DOP1B: variants seen among roughly 807,000 people sequenced by gnomAD.
The protein encoded by DOP1B is DOP1 leucine zipper like protein B.
Under a neutral mutation model 233.5 loss-of-function variants are expected in DOP1B, and 174 were observed. The ratio of observed to expected loss-of-function variants is 0.75; its 90% CI spans 0.66 to 0.85. The LOEUF is 0.85. DOP1B is among the 40% of genes least tolerant of loss of function. DOP1B has a pLI of 0.00. For missense variants in DOP1B, 2,652 were observed against 2,846.6 expected (o/e 0.93, Z 1.56); for synonymous variants, 1,190 against 1,185.6 (o/e 1.00, Z -0.08).
At position 36,200,460 on chromosome 21, in the gene DOP1B, C is replaced by T. The variant is rs147103456; in HGVS notation, c.450C>T (p.Gly150=). 5 of 1,612,448 alleles carry T rather than the reference C, an allele frequency of 3.1e-6. No individual in the cohort carries two copies. The highest frequency in any genetic ancestry group is 1.7e-5 in the Admixed American group (1 of 59,800). ...LLPSLQAFIV[G]LLPGLEEGSE... is the part of the protein sequence containing the mutation. ...CCAGTCTGCAGGCCTTCATCGTGGGCCTGCTGCCCGGCCTTGAAGAGGGCT... is the reference window on the plus strand; with the variant it reads ...CCAGTCTGCAGGCCTTCATCGTGGGTCTGCTGCCCGGCCTTGAAGAGGGCT... The change falls in exon 4 of 37, where the codon GGC becomes GGT. Residue 150 remains glycine (G), a synonymous_variant. Transcript: ENST00000691173.
At position 36,208,584 on chromosome 21, in the gene DOP1B, G is replaced by A. The variant is rs552049086; in HGVS notation, c.492-131G>A. On this transcript the variant is annotated intron_variant, in intron 4 of 36. Transcript: ENST00000691173. Reference sequence around the variant, plus strand: ...GTGAGAGATGGCAGCGGCTCCCGGCGATGAGGAAGGTGGGGCTTCCCCAGC... The same window carrying A: ...GTGAGAGATGGCAGCGGCTCCCGGCAATGAGGAAGGTGGGGCTTCCCCAGC... 1.1e-4 allele frequency: 106 copies of A among 926,730 alleles called. No homozygotes were observed. In the African/African-American group the frequency reaches 1.5e-3, roughly 13 times the overall value. The allele number at this position is 926,730 out of a possible 1,614,324, so 57.4% of individuals were successfully genotyped here. A position where few individuals can be genotyped will look rare whatever the true frequency, so the allele number is the denominator to read the frequency against.
intron 5 of DOP1B, among the ~76,000 whole-genome samples, chr21:36,210,080 C>T (rs954248620): frequency 1.3e-5 from 2 of 152,094 alleles, no homozygotes; most frequent in Non-Finnish European, 2.9e-5. Context: ...TTCTCTCCAT[C>T]GTCTCAGCCC....
Position 36,245,652 on chromosome 21 carries a change from G to A in DOP1B, c.3672G>A (p.Leu1224=), listed in dbSNP as rs367995566. 4.0e-5 allele frequency: 64 copies of A among 1,613,472 alleles called. No homozygotes were observed. In the African/African-American group the frequency reaches 7.9e-4, roughly 20 times the overall value. The part of the protein sequence containing the change: ...QRERQEAVEA[L]FKHILLYLQP... ...AAAGGCAGGAGGCCGTCGAGGCCTT[G>A]TTCAAGCACATCCTGCTCTACCTGC... Residue 1224 remains leucine (L), a synonymous_variant, in exon 19 of 37, where the codon TTG becomes TTA. Transcript: ENST00000691173. This position sits in a 1 kb window ranked among gnomAD's most constrained non-coding sequence, Gnocchi z 5.5.
At position 36,211,907 on chromosome 21, in the gene DOP1B, G is replaced by A. The variant is rs1404077119; in HGVS notation, c.781-67G>A. Reference sequence around the variant, plus strand: ...CTTTGCAGACCAGCAAGGAAGGGCTGCGTGTCAAAAAGTCAGCAATCTGCC... The same window carrying A: ...CTTTGCAGACCAGCAAGGAAGGGCTACGTGTCAAAAAGTCAGCAATCTGCC... On this transcript the variant is annotated intron_variant, in intron 6 of 36. Transcript: ENST00000691173. The A allele has an allele frequency of 1.4e-5, 23 of 1,606,358 alleles. No individual in the cohort carries two copies. The East Asian group carries it at 2.7e-4, about 19-fold the overall frequency.
intron 15 of DOP1B, 103 bp downstream of exon 15, chr21:36,233,178 A>G: frequency 2.1e-6 from 3 of 1,421,108 alleles, no homozygotes; most frequent in Non-Finnish European, 2.8e-6. Context: ...CTTCTCTGAG[A>G]GTGATATTCT....
At chr21:36,252,545 TTTC>T (rs1034799144) in intron 22 of DOP1B, among the ~76,000 whole-genome samples, 9 of 151,194 alleles carry the variant, frequency 6.0e-5, no homozygotes, top group Admixed American at 2.0e-4. Context: ...CCAAAGATAA[TTTC>T]TTTTTTTTTT....
chr21:36,247,023 G>A (rs192845721), intron 19 of DOP1B, among the ~76,000 whole-genome samples: 2 of 152,120 alleles, frequency 1.3e-5, no homozygotes, highest in Admixed American at 1.3e-4. Flanking sequence ...GGGATTACAG[G>A]TGCCTACCGC....
chr21:36,206,475 A>C (rs2123483718), intron 4 of DOP1B, among the ~76,000 whole-genome samples: 1 of 151,594 alleles, frequency 6.6e-6, no homozygotes, highest in South Asian at 2.1e-4. Context: ...GGCTGCAGTG[A>C]GCTGTGTTCA....
intron 2 of DOP1B, among the ~76,000 whole-genome samples, chr21:36,182,671 A>C (rs2066114330): frequency 6.6e-6 from 1 of 152,110 alleles, no homozygotes; most frequent in Non-Finnish European, 1.5e-5. Context: ...TCTACAAAAA[A>C]AGTTAAAGTT....
chr21:36,248,126 A>C (rs1437295298), intron 20 of DOP1B, among the ~76,000 whole-genome samples: 1 of 152,218 alleles, frequency 6.6e-6, no homozygotes, highest in African/African-American at 2.4e-5. Flanking sequence ...TAAGTCTTAG[A>C]ATACATCTAA....
intron 33 of DOP1B, 57 bp from the exon 34 acceptor site, chr21:36,288,699 A>G (rs1454633102): frequency 7.7e-7 from 1 of 1,294,622 alleles, no homozygotes; most frequent in African/African-American, 1.5e-5. Flanking sequence ...GTAAAAAAAA[A>G]TATTTGGGTA....
At position 36,248,532 on chromosome 21, in the gene DOP1B, G is replaced by T; in HGVS notation, c.4962G>T (p.Thr1654=). ...GACCTGTCGATCTCCTAGGGGCCACGAAGGGATCCTCTTCCGTTTACTTTA... is the reference window on the plus strand; with the variant it reads ...GACCTGTCGATCTCCTAGGGGCCACTAAGGGATCCTCTTCCGTTTACTTTA... ...QKRPVDLLGA[T]KGSSSVYFKT... is the part of the protein sequence containing the mutation. The change falls in exon 21 of 37, where the codon ACG becomes ACT. Residue 1654 remains threonine, a synonymous_variant. Transcript: ENST00000691173. 6.2e-7 allele frequency: 1 copy of T among 1,612,180 alleles called. No homozygotes were observed. Among genetic ancestry groups the T allele is most frequent in the Non-Finnish European group, 8.5e-7 (1 of 1,179,474 alleles).
chr21:36,281,857 A>C (rs76614561), intron 32 of DOP1B, among the ~76,000 whole-genome samples: 6,956 of 152,204 alleles, frequency 0.046, 536 homozygotes, highest in African/African-American at 0.16. Flanking sequence ...GATGTGGCCT[A>C]ATCACCTCTT....
intron 35 of DOP1B, among the ~76,000 whole-genome samples, chr21:36,290,868 G>A (rs1444943835): frequency 6.6e-6 from 1 of 151,900 alleles, no homozygotes; most frequent in East Asian, 1.9e-4. Flanking sequence ...TACTTCGGAA[G>A]CTGAGGAAGG....
intron 2 of DOP1B, among the ~76,000 whole-genome samples, chr21:36,165,200 T>A (rs2065897863): frequency 1.3e-5 from 2 of 152,216 alleles, no homozygotes; most frequent in African/African-American, 4.8e-5. Context: ...GAAGTCTTTT[T>A]CTTAACAATG....
intron 15 of DOP1B, 69 bp downstream of exon 15, chr21:36,233,144 G>T (rs2066787836): frequency 6.5e-6 from 10 of 1,539,196 alleles, no homozygotes; most frequent in Non-Finnish European, 8.8e-6. Flanking sequence ...GAACCGTATT[G>T]CTGGGGATGG....
rs1454096025 is a variant in DOP1B, at chr21:36,239,740, C to T, written c.2877-25C>T. On this transcript the variant is annotated intron_variant, in intron 17 of 36. Transcript: ENST00000691173. ...GCGCACAGGGGTGGCTGCGAGTGAA[C>T]TCACTGGTGTGTTTCCCACTGCAGG... 3 of 1,509,074 alleles carry T rather than the reference C, an allele frequency of 2.0e-6. No homozygotes were observed. In the Admixed American group the frequency reaches 6.4e-5, roughly 32 times the overall value. The allele number at this position is 1,509,074 out of a possible 1,614,324, so 93.5% of individuals were successfully genotyped here.
chr21:36,244,421 A>G (rs1242554144), intron 18 of DOP1B, among the ~76,000 whole-genome samples: 2 of 151,182 alleles, frequency 1.3e-5, no homozygotes, highest in Non-Finnish European at 2.9e-5. Flanking sequence ...TGCAGGATAC[A>G]TTTCTGTTTT....
chr21:36,169,663 C>T, intron 2 of DOP1B: 2 of 904,282 alleles, frequency 2.2e-6, no homozygotes, highest in East Asian at 2.4e-5. Context: ...TCTTCTGGCG[C>T]AGAGGAAGTA....
Sources: allele counts gnomAD v4.1 joint callset (sites outside exome capture counted in the v4.1 genomes callset), GRCh38; gene constraint gnomAD v4.1.1; non-coding constraint Gnocchi (gnomAD v3.1); transcripts MANE v1.5; gene names NCBI Gene and HGNC (gene_info 2026-07-23, HGNC 2026-07-21).